The following N4BP2L2 variants were observed in gnomAD, a reference collection of about 807,000 sequenced individuals.
The protein encoded by N4BP2L2 is NEDD4-binding protein 2-like 2.
N4BP2L2 carries 50 observed loss-of-function variants against 56.2 expected under a neutral mutation model. That is an observed-to-expected ratio of 0.89 (90% CI 0.71 to 1.13). N4BP2L2 has a LOEUF of 1.13. N4BP2L2 is among the 50% of genes most tolerant of loss of function. The pLI, the probability that N4BP2L2 is intolerant of heterozygous loss-of-function variation, is 0.00. For synonymous variants in N4BP2L2, 203 were observed against 223.6 expected, an observed-to-expected ratio of 0.91 and a Z score of 0.82; for missense variants, 689 against 693.8, an observed-to-expected ratio of 0.99 and a Z score of 0.08.
intron 5 of N4BP2L2, among the ~76,000 whole-genome samples, 200 bp from the exon 6 acceptor site, chr13:32,518,203 T>C (rs951083138): frequency 5.9e-5 from 9 of 152,210 alleles, no homozygotes; most frequent in Non-Finnish European, 1.0e-4. Flanking sequence ...GGTATAAAGA[T>C]TCCATATATC....
intron 4 of N4BP2L2, chr13:32,521,718 G>A: frequency 3.0e-6 from 1 of 331,044 alleles, no homozygotes; most frequent in Non-Finnish European, 5.4e-6. Flanking sequence ...GCTCATGCCT[G>A]TAATCCCAGC....
At chr13:32,537,149 T>C (rs1254206005) in intron 1 of N4BP2L2, 122 bp from the exon 2 acceptor site, 1 of 673,944 alleles carries the variant, frequency 1.5e-6, no homozygotes, top group African/African-American at 1.9e-5. Context: ...ATGGTAACAA[T>C]TTCCCAAAAT....
At chr13:32,471,365 G>A (rs1378815330) in intron 6 of N4BP2L2, among the ~76,000 whole-genome samples, 2 of 152,204 alleles carry the variant, frequency 1.3e-5, no homozygotes, top group Non-Finnish European at 2.9e-5. Context: ...GGGCCAGAAT[G>A]ACTCAGTGAG....
At chr13:32,488,674 A>C (rs2086422145) in intron 6 of N4BP2L2, among the ~76,000 whole-genome samples, 1 of 152,238 alleles carries the variant, frequency 6.6e-6, no homozygotes, top group Non-Finnish European at 1.5e-5. Flanking sequence ...GTTTAGAAAG[A>C]CAGGAATATG....
intron 6 of N4BP2L2, among the ~76,000 whole-genome samples, chr13:32,482,898 T>C (rs1267704440): frequency 2.0e-5 from 3 of 152,250 alleles, no homozygotes; most frequent in Admixed American, 6.5e-5. Flanking sequence ...ACCTTTTGCA[T>C]TGGTATTTGA....
intron 6 of N4BP2L2, among the ~76,000 whole-genome samples, chr13:32,457,147 C>A (rs2079109875): frequency 6.6e-6 from 1 of 152,028 alleles, no homozygotes; most frequent in Non-Finnish European, 1.5e-5. Context: ...TCAAAAACAA[C>A]AACAACAACA....
In N4BP2L2 at chr13:32,518,023, T is replaced by C. The variant is rs769267940; in HGVS notation, c.1551-20A>G. 6 of 1,607,958 alleles carry C rather than the reference T, an allele frequency of 3.7e-6. No individual in the cohort carries two copies. In the African/African-American group the frequency reaches 4.0e-5, roughly 11 times the overall value. ...TTCCTCCTAACAAAAAAGAAAAGGA[T>C]TGTAAATCTTTGTTGCAGAATGTAC... is the stretch of plus-strand genomic sequence containing the variant. On this transcript the variant is annotated intron_variant, in intron 5 of 5. Transcript: ENST00000267068.
intron 6 of N4BP2L2, among the ~76,000 whole-genome samples, chr13:32,469,728 G>C (rs570761411): frequency 1.3e-5 from 2 of 152,322 alleles, no homozygotes; most frequent in East Asian, 3.9e-4. Flanking sequence ...TTTAAAGTGT[G>C]GACTGATGCT....
chr13:32,538,071 G>GC (rs538487382), intron 1 of N4BP2L2, among the ~76,000 whole-genome samples: 3 of 61,604 alleles, frequency 4.9e-5, no homozygotes, highest in Admixed American at 3.3e-4. Flanking sequence ...ACCCCGTCTT[G>GC]GGGGGGGGGG....
At chr13:32,502,782 T>C (rs543274915) in intron 6 of N4BP2L2, among the ~76,000 whole-genome samples, 10 of 152,290 alleles carry the variant, frequency 6.6e-5, no homozygotes, top group East Asian at 3.9e-4. Flanking sequence ...CAGAACTCCA[T>C]TGCTCCGTGA....
At chr13:32,527,355 CTT>C (rs1271834292) in intron 3 of N4BP2L2, 51 bp downstream of exon 3, 10 of 1,586,478 alleles carry the variant, frequency 6.3e-6, no homozygotes, top group Non-Finnish European at 7.7e-6. Flanking sequence ...AAATCTAGGT[CTT>C]TTGACTCCTA....
chr13:32,525,965 T>C (rs1357406245), intron 3 of N4BP2L2, among the ~76,000 whole-genome samples: 2 of 135,854 alleles, frequency 1.5e-5, no homozygotes, highest in Admixed American at 8.4e-5. Context: ...GAAGAGGTTG[T>C]CCCTGTGCAG....
At chr13:32,495,608 T>C (rs974428789) in intron 6 of N4BP2L2, among the ~76,000 whole-genome samples, 33 of 152,182 alleles carry the variant, frequency 2.2e-4, no homozygotes, top group African/African-American at 4.8e-5. Flanking sequence ...TGTTCTTTCA[T>C]GTCTCCTCTG....
chr13:32,439,875 A>T (rs1452895471), intron 7 of N4BP2L2, among the ~76,000 whole-genome samples: 2 of 147,186 alleles, frequency 1.4e-5, no homozygotes, highest in Non-Finnish European at 3.0e-5. Flanking sequence ...AAAAAAAAAA[A>T]ATTAGCCGGG....
chr13:32,509,899 C>A (rs983982407), downstream of N4BP2L2, among the ~76,000 whole-genome samples: 7 of 152,014 alleles, frequency 4.6e-5, no homozygotes, highest in Non-Finnish European at 8.8e-5. Context: ...TTAAGAGAAA[C>A]CAAACAAGAC....
At position 32,443,394 on chromosome 13, in the gene N4BP2L2, T is replaced by C. The variant is rs755949568; in HGVS notation, c.1098A>G (p.Arg366=). The change falls in exon 7 of 10, where the codon AGA becomes AGG. Residue 366 remains arginine (R), a synonymous_variant. Coordinates refer to the N4BP2L2 transcript ENST00000357505. The stretch of plus-strand genomic sequence containing the variant: ...CAGGCCAGCTACCAAAATAGGGCTG[T>C]CTGTCAGAGCCCAGCTGTAAATCTT... 3.1e-5 allele frequency: 50 copies of C among 1,613,892 alleles called. No individual in the cohort carries two copies. The Admixed American group carries it at 8.3e-4, about 27-fold the overall frequency.
chr13:32,500,602 T>TA (rs1315275511), intron 6 of N4BP2L2, among the ~76,000 whole-genome samples: 1 of 149,076 alleles, frequency 6.7e-6, no homozygotes, highest in African/African-American at 2.5e-5. Context: ...CCTGTAGTCC[T>TA]AACCACTCAA....
At chr13:32,532,970 C>T (rs2055380187) in intron 2 of N4BP2L2, among the ~76,000 whole-genome samples, 1 of 151,922 alleles carries the variant, frequency 6.6e-6, no homozygotes, top group African/African-American at 2.4e-5. Flanking sequence ...GTGATGCTCC[C>T]CACCTCAGCC....
chr13:32,447,608 G>A (rs181200659), intron 6 of N4BP2L2, among the ~76,000 whole-genome samples: 1 of 152,288 alleles, frequency 6.6e-6, no homozygotes, highest in East Asian at 1.9e-4. Context: ...TATGGGTTTG[G>A]AGAGAGGGTT....
Sources: gnomAD v4.1 joint callset for allele counts (sites outside exome capture counted in the v4.1 genomes callset) on GRCh38, gnomAD v4.1.1 for gene constraint, MANE v1.5 for transcripts, NCBI Gene and HGNC (gene_info 2026-07-23, HGNC 2026-07-21) for gene names.